The following CDH12 variants were observed in gnomAD, a reference collection of about 807,000 sequenced individuals.
The protein encoded by CDH12 is cadherin-12.
A neutral mutation model predicts 74.1 loss-of-function variants in CDH12; 41 were observed. The observed-to-expected ratio is 0.55, with a 90% CI of 0.43 to 0.72. CDH12 has a LOEUF of 0.72. CDH12 is among the 30% of genes least tolerant of loss of function. The pLI, the probability that CDH12 is intolerant of heterozygous loss-of-function variation, is 0.00. For synonymous variants in CDH12, 399 were observed against 355.0 expected (o/e 1.12, Z -1.39); for missense variants, 945 against 977.2 (o/e 0.97, Z 0.44).
chr5:22,117,514 TATATATATA>T (rs1745237310), intron 4 of CDH12, among the ~76,000 whole-genome samples: 31 of 67,478 alleles, frequency 4.6e-4, no homozygotes, highest in African/African-American at 1.9e-3. Context: ...ATATATATAA[TATATATATA>T]ATATATATAT....
intron 3 of CDH12, among the ~76,000 whole-genome samples, chr5:22,292,539 A>C (rs914762961): frequency 2.6e-5 from 4 of 152,014 alleles, no homozygotes; most frequent in African/African-American, 9.7e-5. Flanking sequence ...AACTGAACTC[A>C]ATAGCACAAA....
intron 11 of CDH12, chr5:21,774,565 C>T (rs1290539903): frequency 6.6e-6 from 1 of 152,148 alleles, no homozygotes; most frequent in Non-Finnish European, 1.5e-5. Context: ...CTTATTAGTT[C>T]TGTCCCTTTA....
At chr5:21,771,055 A>C (rs867505115) in intron 11 of CDH12, among the ~76,000 whole-genome samples, 13 of 152,172 alleles carry the variant, frequency 8.5e-5, no homozygotes, top group African/African-American at 3.1e-4. Flanking sequence ...ATCAGGGCCT[A>C]CTTGAGGACA....
At chr5:22,315,861 CTG>C (rs1471033060) in intron 3 of CDH12, among the ~76,000 whole-genome samples, 1 of 151,842 alleles carries the variant, frequency 6.6e-6, no homozygotes, top group African/African-American at 2.4e-5. Flanking sequence ...TTCGCAAACT[CTG>C]TGAAGGAGGT....
At position 21,880,525 on chromosome 5, in the gene CDH12, T is replaced by C. The variant is rs13186574; in HGVS notation, c.527-25735A>G. Among the ~76,000 whole-genome samples, 16 of 129,000 alleles carry C rather than the reference T, an allele frequency of 1.2e-4. 1 individual carries two copies. Among genetic ancestry groups the C allele is most frequent in the Middle Eastern group, 3.9e-3 (1 of 254 alleles). 84.6% of individuals were successfully genotyped at this position (129,000 alleles called of 152,430 possible). Reference sequence around the variant, plus strand: ...TTCCTCCCTCCCTCCCTCTTTTCTTTCTTCCTTCTTTTCCTTCCTTCCTTC... The same window carrying C: ...TTCCTCCCTCCCTCCCTCTTTTCTTCCTTCCTTCTTTTCCTTCCTTCCTTC... On this transcript the variant is annotated intron_variant, in intron 6 of 14. Transcript: ENST00000382254.
intron 1 of CDH12, among the ~76,000 whole-genome samples, chr5:22,615,638 A>G (rs1321559915): frequency 6.6e-6 from 1 of 152,186 alleles, no homozygotes; most frequent in African/African-American, 2.4e-5. Context: ...ATAAATCAAA[A>G]TAAGCTAACC....
At chr5:22,724,574 T>C (rs892903984) in intron 1 of CDH12, among the ~76,000 whole-genome samples, 1 of 152,022 alleles carries the variant, frequency 6.6e-6, no homozygotes, top group Non-Finnish European at 1.5e-5. Flanking sequence ...CATTCATTTT[T>C]ATGGCTGAGT....
chr5:22,173,261 AT>A (rs1447785256), intron 4 of CDH12, among the ~76,000 whole-genome samples: 1 of 147,098 alleles, frequency 6.8e-6, no homozygotes, highest in East Asian at 1.9e-4. Flanking sequence ...AATTTATATA[AT>A]TTAAATTTTA....
chr5:22,772,290 G>A (rs373821791), intron 1 of CDH12, among the ~76,000 whole-genome samples: 8 of 152,074 alleles, frequency 5.3e-5, no homozygotes, highest in South Asian at 2.1e-4. Flanking sequence ...ACGTGTACTC[G>A]AGGAACAGCA....
intron 1 of CDH12, among the ~76,000 whole-genome samples, chr5:22,816,730 T>C (rs375551673): frequency 6.6e-6 from 1 of 152,124 alleles, no homozygotes. Flanking sequence ...TTAGCCTGAG[T>C]CCCAGAATGA....
chr5:22,756,765 G>A (rs1235364960), intron 1 of CDH12, among the ~76,000 whole-genome samples: 2 of 152,008 alleles, frequency 1.3e-5, no homozygotes, highest in African/African-American at 4.8e-5. Flanking sequence ...TTCAAGACCA[G>A]CCTGGCCAAG....
intron 3 of CDH12, among the ~76,000 whole-genome samples, chr5:22,387,317 T>G (rs1742042688): frequency 6.6e-6 from 1 of 152,128 alleles, no homozygotes; most frequent in Non-Finnish European, 1.5e-5. Context: ...ATTAAAAAAG[T>G]AATGTGTTAT....
chr5:22,831,252 A>G (rs1334511062), intron 1 of CDH12, among the ~76,000 whole-genome samples: 1 of 152,126 alleles, frequency 6.6e-6, no homozygotes, highest in Non-Finnish European at 1.5e-5. Flanking sequence ...AAAACGATTG[A>G]GTAGAATATT....
At chr5:22,219,082 T>C (rs1751922348) in intron 3 of CDH12, among the ~76,000 whole-genome samples, 1 of 151,704 alleles carries the variant, frequency 6.6e-6, no homozygotes, top group Non-Finnish European at 1.5e-5. Flanking sequence ...AATGCTTAAT[T>C]ACCTTTTGAC....
At chr5:22,848,086 A>T (rs1033046412) in intron 1 of CDH12, among the ~76,000 whole-genome samples, 1 of 151,952 alleles carries the variant, frequency 6.6e-6, no homozygotes, top group Non-Finnish European at 1.5e-5. Context: ...TTATCTATTC[A>T]TGTGTTCAAG....
At chr5:22,588,949 A>C (rs892747242) in intron 1 of CDH12, among the ~76,000 whole-genome samples, 1 of 152,156 alleles carries the variant, frequency 6.6e-6, no homozygotes, top group African/African-American at 2.4e-5. Flanking sequence ...CCATTATACT[A>C]TCTTTAAAAA....
intron 5 of CDH12, among the ~76,000 whole-genome samples, chr5:22,036,562 G>A (rs1239498501): frequency 6.6e-6 from 1 of 152,122 alleles, no homozygotes; most frequent in Non-Finnish European, 1.5e-5. Context: ...GTGAGTGTGT[G>A]TGTGCACGTG....
intron 1 of CDH12, among the ~76,000 whole-genome samples, chr5:22,787,762 T>G (rs1324282313): frequency 6.6e-6 from 1 of 152,162 alleles, no homozygotes; most frequent in Non-Finnish European, 1.5e-5. Flanking sequence ...GGCTTATACA[T>G]GCACATACGG....
intron 1 of CDH12, among the ~76,000 whole-genome samples, chr5:22,621,637 C>T (rs1456476230): frequency 6.6e-6 from 1 of 151,846 alleles, no homozygotes; most frequent in Non-Finnish European, 1.5e-5. Context: ...CAATATTAAT[C>T]AAGAAAATAA....
Sources: allele counts gnomAD v4.1 joint callset (sites outside exome capture counted in the v4.1 genomes callset), GRCh38; gene constraint gnomAD v4.1.1; transcripts MANE v1.5; gene names NCBI Gene and HGNC (gene_info 2026-07-23, HGNC 2026-07-21).